UBOX5: variants seen among roughly 807,000 people sequenced by gnomAD.
UBOX5 encodes U-box domain containing 5.
UBOX5 carries 28 observed loss-of-function variants against 39.0 expected under a neutral mutation model. The observed-to-expected ratio is 0.72, with a 90% CI of 0.53 to 0.98. The LOEUF is 0.98. Ranked by LOEUF, UBOX5 falls within the 50% of genes least tolerant of loss-of-function variation. The probability of loss-of-function intolerance (pLI) is 0.00; values close to 1 mark genes in which losing one functional copy is unlikely to be tolerated. For missense variants in UBOX5, 585 were observed against 674.4 expected, an observed-to-expected ratio of 0.87 and a Z score of 1.47; for synonymous variants, 283 against 275.5, an observed-to-expected ratio of 1.03 and a Z score of -0.27.
chr20:3,145,912 G>T (rs777773939), intron 1 of UBOX5, among the ~76,000 whole-genome samples: 2 of 152,100 alleles, frequency 1.3e-5, no homozygotes, highest in Non-Finnish European at 2.9e-5. Flanking sequence ...TGGGCGTGGT[G>T]GTGGGCGCCT....
rs1269995623 is a variant in UBOX5 at position 3,110,421 on chromosome 20, T to G, written c.1418-107A>C. On this transcript the variant is annotated intron_variant, in intron 4 of 4. Coordinates refer to ENST00000217173, the MANE Select transcript of UBOX5 (RefSeq NM_014948.4). ...CACCGTGCTGCTGCAGCATCTGGCT[T>G]CATCCCTCCCGAGTCCATCCCAGTC... 4 of 1,309,750 alleles carry G rather than the reference T, an allele frequency of 3.1e-6. No individual in the cohort carries two copies. The African/African-American group carries it at 5.8e-5, about 19-fold the overall frequency. The allele number at this position is 1,309,750 out of a possible 1,614,324, so 81.1% of individuals were successfully genotyped here.
At chr20:3,157,275 G>C (rs1249770312) in intron 1 of UBOX5, among the ~76,000 whole-genome samples, 2 of 152,176 alleles carry the variant, frequency 1.3e-5, no homozygotes, top group African/African-American at 2.4e-5. Flanking sequence ...CACGGGAGCA[G>C]GGCCTCAGAG....
chr20:3,143,947 G>A (rs2066539580), intron 1 of UBOX5, among the ~76,000 whole-genome samples: 1 of 152,138 alleles, frequency 6.6e-6, no homozygotes, highest in South Asian at 2.1e-4. Context: ...GACAGAGCGA[G>A]ACCCTATATC....
At chr20:3,155,223 G>A (rs936997410) in intron 1 of UBOX5, among the ~76,000 whole-genome samples, 25 of 151,758 alleles carry the variant, frequency 1.6e-4, no homozygotes, top group Admixed American at 3.9e-4. Context: ...GTGAAACCCT[G>A]TCTCTACTAA....
intron 1 of UBOX5, among the ~76,000 whole-genome samples, chr20:3,143,905 C>G (rs2066539236): frequency 6.6e-6 from 1 of 152,074 alleles, no homozygotes; most frequent in African/African-American, 2.4e-5. Flanking sequence ...CTGCAGTGAG[C>G]TACGATCACA....
chr20:3,131,064 T>C (rs1036096414), intron 1 of UBOX5, among the ~76,000 whole-genome samples: 1 of 152,030 alleles, frequency 6.6e-6, no homozygotes, highest in Non-Finnish European at 1.5e-5. Context: ...ACCCTATCTC[T>C]ATGAAAATAC....
chr20:3,156,173 C>CTT (rs761149925), intron 1 of UBOX5, among the ~76,000 whole-genome samples: 35 of 130,142 alleles, frequency 2.7e-4, no homozygotes, highest in Admixed American at 4.1e-4. Context: ...ACTTCTGACT[C>CTT]TTTTTTTTTT....
chr20:3,131,248 G>A (rs2148604125), intron 1 of UBOX5, among the ~76,000 whole-genome samples: 1 of 151,440 alleles, frequency 6.6e-6, no homozygotes, highest in East Asian at 1.9e-4. Context: ...AAAAGAAAAT[G>A]CCTCTTTGAA....
chr20:3,148,296 G>T (rs1321704398), intron 1 of UBOX5: 2 of 1,613,070 alleles, frequency 1.2e-6, no homozygotes, highest in East Asian at 2.2e-5. Flanking sequence ...AAAAACCTAG[G>T]TACTTTGCGG....
In UBOX5 at chr20:3,122,310, G is replaced by T; in HGVS notation, c.329C>A (p.Pro110Gln). 6.2e-7 allele frequency: 1 copy of T among 1,614,202 alleles called. No homozygotes were observed. The highest frequency in any genetic ancestry group is 8.5e-7 in the Non-Finnish European group (1 of 1,180,042). Reference sequence around the variant, plus strand: ...TACCAAGGTGAACGCCTCCTTGTCTGGGACAGATGGCTCAGCTGGGCCCAG... The same window carrying T: ...TACCAAGGTGAACGCCTCCTTGTCTTGGACAGATGGCTCAGCTGGGCCCAG... ...RTLGPAEPSV[P>Q]DKEAFTLVGK... The change falls in exon 3 of 5, where the codon CCA becomes CAA. Residue 110 changes from proline (P) to glutamine (Q), a missense_variant. Pro to Gln is a moderately conservative substitution (Grantham distance 76). Transcript: ENST00000217173.
intron 1 of UBOX5, among the ~76,000 whole-genome samples, chr20:3,155,162 G>A (rs1460850294): frequency 6.6e-6 from 1 of 152,142 alleles, no homozygotes; most frequent in African/African-American, 2.4e-5. Flanking sequence ...GGGAAGCTGA[G>A]GTGGGCGGAT....
intron 1 of UBOX5, among the ~76,000 whole-genome samples, chr20:3,143,030 C>G (rs1346607478): frequency 6.8e-6 from 1 of 147,626 alleles, no homozygotes; most frequent in East Asian, 2.0e-4. Flanking sequence ...AAAATTCACA[C>G]AGCAACAAAA....
chr20:3,156,466 C>A (rs969352700), intron 1 of UBOX5, among the ~76,000 whole-genome samples: 1 of 152,096 alleles, frequency 6.6e-6, no homozygotes, highest in African/African-American at 2.4e-5. Context: ...CAGGAGCCAC[C>A]ACGCCCGGCC....
At position 3,122,466 on chromosome 20, in the gene UBOX5, G is replaced by A; in HGVS notation, c.173C>T (p.Pro58Leu). Residue 58 changes from proline (P) to leucine (L), a missense_variant, in exon 3 of 5, where the codon CCC becomes CTC. Pro to Leu is a moderately conservative substitution (Grantham distance 98, BLOSUM62 -3). Coordinates refer to ENST00000217173, the MANE Select transcript of UBOX5 (RefSeq NM_014948.4). ...KPPVYVTVSF[P>L]FNVEICRINI... is the part of the protein sequence containing the mutation. ...GATCCTACAGATTTCCACATTAAAG[G>A]GAAATGAAACTGTCACATAGACTGG... is the stretch of plus-strand genomic sequence containing the variant. 6.2e-7 allele frequency: 1 copy of A among 1,614,160 alleles called. No individual in the cohort carries two copies. Among genetic ancestry groups the A allele is most frequent in the Non-Finnish European group, 8.5e-7 (1 of 1,180,028 alleles).
chr20:3,140,097 C>T (rs2066505162), intron 1 of UBOX5, among the ~76,000 whole-genome samples: 1 of 143,964 alleles, frequency 6.9e-6, no homozygotes, highest in East Asian at 2.1e-4. Context: ...TCTCAGCTCA[C>T]TGCAACCTCC....
rs750278791 is a variant in UBOX5, at chr20:3,148,875, G to A, written c.-42+10891C>T. The A allele has an allele frequency of 8.1e-6, 13 of 1,614,038 alleles. No individual in the cohort carries two copies. The Admixed American group carries it at 1.2e-4, about 14-fold the overall frequency. ...GCACTGCTGGTTGTCAGGATTCTCCGAGAAGAGAAGGTGCTACATATGTTC... is the reference window on the plus strand; with the variant it reads ...GCACTGCTGGTTGTCAGGATTCTCCAAGAAGAGAAGGTGCTACATATGTTC... On this transcript the variant is annotated intron_variant, in intron 1 of 4. Coordinates refer to ENST00000217173, the MANE Select transcript of UBOX5 (RefSeq NM_014948.4).
At chr20:3,110,339 G>C (rs758471975) in intron 4 of UBOX5, 25 bp from the exon 5 acceptor site, 36 of 1,613,154 alleles carry the variant, frequency 2.2e-5, no homozygotes, top group Non-Finnish European at 2.9e-5. Context: ...AGGAAAACAG[G>C]CCAGGGTTAG....
At chr20:3,125,628 G>A (rs2066379955) in intron 1 of UBOX5, among the ~76,000 whole-genome samples, 1 of 146,310 alleles carries the variant, frequency 6.8e-6, no homozygotes, top group East Asian at 2.1e-4. Context: ...GGGAGGTGAG[G>A]AGTGCCTCTG....
rs1022616871 is a variant in UBOX5, at chr20:3,159,814, G to A, written c.-90C>T. 1 of 152,264 alleles carries A rather than the reference G, an allele frequency of 6.6e-6. No homozygotes were observed. The highest frequency in any genetic ancestry group is 2.4e-5 in the African/African-American group (1 of 41,462). The allele number at this position is 152,264 out of a possible 1,614,324, so 9.4% of individuals were successfully genotyped here. On this transcript the variant is annotated 5_prime_UTR_variant, in exon 1 of 5. Transcript: ENST00000217173. Reference sequence around the variant, plus strand: ...CGCAACACCAAACCGGGGACGCCGCGGGCGGCGGCGACACAGATACTGGCT... The same window carrying A: ...CGCAACACCAAACCGGGGACGCCGCAGGCGGCGGCGACACAGATACTGGCT...
Sources: allele counts gnomAD v4.1 joint callset (sites outside exome capture counted in the v4.1 genomes callset), GRCh38; gene constraint gnomAD v4.1.1; transcripts MANE v1.5; gene names NCBI Gene and HGNC (gene_info 2026-07-23, HGNC 2026-07-21).